Variants in AGBL4 observed in about 807,000 individuals in gnomAD.
The protein encoded by AGBL4 is cytosolic carboxypeptidase 6.
In AGBL4, 58 loss-of-function variants were observed where a neutral mutation model predicts 66.4. That is an observed-to-expected ratio of 0.87 (90% CI 0.71 to 1.09). AGBL4 has a LOEUF of 1.09. Among genes scored for constraint, AGBL4 ranks in the 50% least tolerant of loss-of-function variants. The pLI, the probability that AGBL4 is intolerant of heterozygous loss-of-function variation, is 0.00. For synonymous variants in AGBL4, 234 were observed against 222.9 expected (o/e 1.05, Z -0.44); for missense variants, 579 against 631.0 (o/e 0.92, Z 0.88).
chr1:49,123,035 A>G (rs1264286284), intron 4 of AGBL4, among the ~76,000 whole-genome samples: 1 of 151,914 alleles, frequency 6.6e-6, no homozygotes, highest in Admixed American at 6.6e-5. Flanking sequence ...TTGTATTTTT[A>G]GTAGAGATAG....
intron 3 of AGBL4, among the ~76,000 whole-genome samples, chr1:49,398,038 C>T (rs1404371720): frequency 3.3e-5 from 5 of 152,172 alleles, no homozygotes. Flanking sequence ...ACTTTTAATA[C>T]AATATGCTCA....
chr1:48,889,119 G>A (rs953489062), intron 5 of AGBL4, among the ~76,000 whole-genome samples: 18 of 152,294 alleles, frequency 1.2e-4, no homozygotes, highest in African/African-American at 4.3e-4. Flanking sequence ...TAGCAAGAAG[G>A]TAGTGCTTGG....
At chr1:48,556,938 T>C (rs1644329988) in intron 11 of AGBL4, among the ~76,000 whole-genome samples, 1 of 152,108 alleles carries the variant, frequency 6.6e-6, no homozygotes, top group Non-Finnish European at 1.5e-5. Context: ...TACAGGGGCA[T>C]GCCATCGAGC....
chr1:49,304,135 C>T (rs1246150526), intron 3 of AGBL4, among the ~76,000 whole-genome samples: 4 of 151,976 alleles, frequency 2.6e-5, no homozygotes, highest in Non-Finnish European at 4.4e-5. Flanking sequence ...GTCTTTAATC[C>T]ATCTTGAGTT....
chr1:48,851,920 AC>A lies in AGBL4; in HGVS notation c.634+15270del, dbSNP rs370181247. Reference sequence around the variant, plus strand: ...GCTAAGTTATTGAGAAAAATAAAAAACAAAAAAAGAGATATCTGTGGTGACC... The same window carrying A: ...GCTAAGTTATTGAGAAAAATAAAAAAAAAAAAAGAGATATCTGTGGTGACC... On this transcript the variant is annotated intron_variant, in intron 6 of 13. Coordinates refer to ENST00000371839, the MANE Select transcript of AGBL4 (RefSeq NM_032785.4). Among the ~76,000 whole-genome samples, 463 of 148,414 alleles carry A rather than the reference AC, an allele frequency of 3.1e-3. 6 individuals carry two copies. The highest frequency in any genetic ancestry group is 0.021 in the East Asian group (106 of 5,096).
At chr1:48,917,222 G>A (rs114620906) in intron 5 of AGBL4, among the ~76,000 whole-genome samples, 16,030 of 151,626 alleles carry the variant, frequency 0.11, 943 homozygotes, top group African/African-American at 0.12. Flanking sequence ...TTTTTTAAAG[G>A]ATTAATTTAT....
At chr1:49,051,845 G>A (rs951655666) in intron 4 of AGBL4, among the ~76,000 whole-genome samples, 3 of 152,048 alleles carry the variant, frequency 2.0e-5, no homozygotes, top group African/African-American at 4.8e-5. Flanking sequence ...ACAGGGAGAG[G>A]GAGAAAGAGT....
intron 9 of AGBL4, among the ~76,000 whole-genome samples, chr1:48,601,141 T>C (rs925384241): frequency 6.6e-6 from 1 of 152,206 alleles, no homozygotes; most frequent in Admixed American, 6.5e-5. Flanking sequence ...AAAAGGGTAC[T>C]CATGAGAGTA....
chr1:48,604,424 G>A (rs964540588), intron 9 of AGBL4, among the ~76,000 whole-genome samples: 2 of 152,118 alleles, frequency 1.3e-5, no homozygotes, highest in South Asian at 2.1e-4. Flanking sequence ...ATCCAAACAA[G>A]TTGATTTTTT....
rs185778667 is a variant in AGBL4 at position 49,685,620 on chromosome 1, T to C, written c.282+11693A>G. Among the ~76,000 whole-genome samples, 445 of 152,318 alleles carry C rather than the reference T, an allele frequency of 2.9e-3. 4 individuals are homozygous for C. The highest frequency in any genetic ancestry group is 0.016 in the South Asian group (78 of 4,830). ...CTGACTGGTGTGACATGATACCTCA[T>C]AGTAGTTTCAATGTGCATTTCTGTA... On this transcript the variant is annotated intron_variant, in intron 3 of 13. Coordinates refer to ENST00000371839, the MANE Select transcript of AGBL4 (RefSeq NM_032785.4).
At chr1:49,114,056 T>C (rs1466741042) in intron 4 of AGBL4, among the ~76,000 whole-genome samples, 1 of 152,202 alleles carries the variant, frequency 6.6e-6, no homozygotes, top group Non-Finnish European at 1.5e-5. Context: ...AGTCAGCCTG[T>C]CCTTTGAAGC....
At chr1:49,911,100 G>C (rs1650779253) in intron 1 of AGBL4, among the ~76,000 whole-genome samples, 1 of 152,180 alleles carries the variant, frequency 6.6e-6, no homozygotes, top group Non-Finnish European at 1.5e-5. Flanking sequence ...TATAGATTTT[G>C]CTGATGATAA....
intron 6 of AGBL4, among the ~76,000 whole-genome samples, chr1:48,732,900 G>T (rs889177337): frequency 6.6e-6 from 1 of 152,164 alleles, no homozygotes; most frequent in African/African-American, 2.4e-5. Flanking sequence ...CAGAGAGATG[G>T]GAAGAAATCC....
At chr1:49,534,195 A>G (rs1425402721) in intron 3 of AGBL4, among the ~76,000 whole-genome samples, 1 of 148,670 alleles carries the variant, frequency 6.7e-6, no homozygotes, top group Non-Finnish European at 1.5e-5. Context: ...AAAAAAAAAA[A>G]GCACAAAAAT....
rs202176974 is a variant in AGBL4 at position 49,282,233 on chromosome 1, TG to T, written c.283-36370del. On this transcript the variant is annotated intron_variant, in intron 3 of 13. Transcript: ENST00000371839. ...TTACAGTAGGAAAACCTACTTTTTT[TG>T]TATGTCTTACAGGAAGAATGAACTG... Among the ~76,000 whole-genome samples the T allele has an allele frequency of 6.1e-3, 934 of 152,342 alleles. 9 individuals carry two copies. The highest frequency in any genetic ancestry group is 0.021 in the African/African-American group (869 of 41,572).
chr1:48,557,954 T>C (rs557319839), intron 11 of AGBL4, among the ~76,000 whole-genome samples: 4 of 152,262 alleles, frequency 2.6e-5, no homozygotes, highest in African/African-American at 9.6e-5. Context: ...CTCTTCTCCA[T>C]CCTTGTTTCC....
intron 4 of AGBL4, among the ~76,000 whole-genome samples, chr1:49,085,635 A>T (rs1461160558): frequency 1.3e-5 from 2 of 151,914 alleles, no homozygotes; most frequent in South Asian, 2.1e-4. Context: ...ATCAAGCAGC[A>T]GTGGGGCATA....
intron 4 of AGBL4, among the ~76,000 whole-genome samples, chr1:49,123,014 C>T (rs7552174): frequency 6.6e-6 from 1 of 151,920 alleles, no homozygotes; most frequent in Non-Finnish European, 1.5e-5. Flanking sequence ...CAACCATGCC[C>T]AGCTAATTTT....
intron 4 of AGBL4, among the ~76,000 whole-genome samples, chr1:49,077,694 C>G (rs12120520): frequency 2.4e-3 from 372 of 152,124 alleles, no homozygotes; most frequent in Non-Finnish European, 3.7e-3. Context: ...AAGATAAAAT[C>G]TATGTAAATA....
Sources: gnomAD v4.1 joint callset for allele counts (sites outside exome capture counted in the v4.1 genomes callset) on GRCh38, gnomAD v4.1.1 for gene constraint, MANE v1.5 for transcripts, NCBI Gene and HGNC (gene_info 2026-07-23, HGNC 2026-07-21) for gene names.